The following RCBTB1 variants were observed in gnomAD, a reference collection of about 807,000 sequenced individuals.
RCBTB1 encodes RCC1 and BTB domain containing protein 1.
A neutral mutation model predicts 62.4 loss-of-function variants in RCBTB1; 46 were observed. The observed-to-expected ratio is 0.74, with a 90% confidence interval of 0.58 to 0.94. The LOEUF (loss-of-function observed/expected upper bound fraction) is 0.94, where lower values mean the gene tolerates loss of function less well. Among genes scored for constraint, RCBTB1 ranks in the 40% least tolerant of loss-of-function variants. The pLI, the probability that RCBTB1 is intolerant of heterozygous loss-of-function variation, is 0.00. For missense variants in RCBTB1, 565 were observed against 654.9 expected, an observed-to-expected ratio of 0.86 and a Z score of 1.50; for synonymous variants, 222 against 245.8, an observed-to-expected ratio of 0.90 and a Z score of 0.91.
chr13:49,536,271 G>A (rs1437379692), intron 12 of RCBTB1, among the ~76,000 whole-genome samples: 1 of 152,088 alleles, frequency 6.6e-6, no homozygotes, highest in Non-Finnish European at 1.5e-5. Context: ...TTAAACCTTG[G>A]TTGAGGCAGA....
chr13:49,555,658 A>G lies in RCBTB1; in HGVS notation c.460T>C (p.Tyr154His). 6.3e-7 allele frequency: 1 copy of G among 1,590,632 alleles called. No homozygotes were observed. The highest frequency in any genetic ancestry group is 8.6e-7 in the Non-Finnish European group (1 of 1,168,632). ...GATCCCACTTGGCCACAGTTGTTAT[A>G]ACCCCAAGCAAACACCTACAAGAGA... is the stretch of plus-strand genomic sequence containing the variant. Reference protein sequence around the residue: ...AADGEVFAWGYNNCGQVGSGS... With the variant: ...AADGEVFAWGHNNCGQVGSGS... The change falls in exon 6 of 13, where the codon TAT becomes CAT. Residue 154 changes from tyrosine (Y) to histidine (H), a missense_variant. Physicochemically the swap from Tyr to His is moderately conservative, Grantham distance 83. Coordinates refer to ENST00000378302, the MANE Select transcript of RCBTB1 (RefSeq NM_018191.4).
intron 10 of RCBTB1, among the ~76,000 whole-genome samples, chr13:49,544,404 G>T (rs1960638016): frequency 6.6e-6 from 1 of 152,164 alleles, no homozygotes; most frequent in Admixed American, 6.5e-5. Context: ...GGGAGGCAGA[G>T]GTTGCGGTGA....
chr13:49,581,810 G>A (rs1454264286), intron 1 of RCBTB1, among the ~76,000 whole-genome samples: 2 of 152,238 alleles, frequency 1.3e-5, no homozygotes, highest in South Asian at 2.1e-4. Flanking sequence ...CCAAACGAGG[G>A]AAGGGTGGAG....
chr13:49,554,761 T>A (rs1421917423), intron 6 of RCBTB1, among the ~76,000 whole-genome samples: 1 of 152,160 alleles, frequency 6.6e-6, no homozygotes, highest in Non-Finnish European at 1.5e-5. Context: ...AACAGTTTCA[T>A]CCCAAAACCA....
At chr13:49,574,173 C>T (rs113365697) in intron 2 of RCBTB1, among the ~76,000 whole-genome samples, 141 of 151,936 alleles carry the variant, frequency 9.3e-4, no homozygotes, top group African/African-American at 3.2e-3. Flanking sequence ...GTCTGGAGTA[C>T]ACTGGCACCA....
At chr13:49,549,377 CA>C in intron 9 of RCBTB1, 80 bp downstream of exon 9, 1 of 1,401,606 alleles carries the variant, frequency 7.1e-7, no homozygotes, top group Non-Finnish European at 9.7e-7. Flanking sequence ...TGAGAGATCC[CA>C]AAACCAGCAA....
chr13:49,573,448 CTT>C (rs66529613), intron 2 of RCBTB1, among the ~76,000 whole-genome samples: 40 of 130,080 alleles, frequency 3.1e-4, no homozygotes, highest in Admixed American at 7.3e-4. Context: ...AATTCCTCAT[CTT>C]TTTTTTTTTT....
At chr13:49,566,868 C>T (rs1032027831) in intron 3 of RCBTB1, 100 bp from the exon 4 acceptor site, 2 of 1,167,850 alleles carry the variant, frequency 1.7e-6, no homozygotes, top group African/African-American at 1.5e-5. Context: ...CTACAGAGCT[C>T]AGGAGGTGAA....
At position 49,551,958 on chromosome 13, in the gene RCBTB1, ATT is replaced by A. The variant is rs5803472; in HGVS notation, c.711+218_711+219del. 6.8e-3 allele frequency among the ~76,000 whole-genome samples: 928 copies of A among 137,426 alleles called. 1 individual carries two copies. Among genetic ancestry groups the A allele is most frequent in the African/African-American group, 9.5e-3 (355 of 37,452 alleles). 90.2% of individuals were successfully genotyped at this position (137,426 alleles called of 152,430 possible). On this transcript the variant is annotated intron_variant, in intron 7 of 12. Coordinates refer to ENST00000378302, the MANE Select transcript of RCBTB1 (RefSeq NM_018191.4). ...AAACCTTAGGCTACTGAATTTTTCC[ATT>A]TTTTTTTTTTTTTTTAACTTGTCGA...
intron 2 of RCBTB1, among the ~76,000 whole-genome samples, chr13:49,569,702 G>A (rs1296390866): frequency 1.3e-5 from 2 of 149,236 alleles, no homozygotes; most frequent in Admixed American, 6.7e-5. Context: ...GGGTGGCAGA[G>A]TGAGAGACCC....
intron 12 of RCBTB1, among the ~76,000 whole-genome samples, chr13:49,535,018 A>G (rs1446263564): frequency 6.6e-6 from 1 of 151,992 alleles, no homozygotes; most frequent in Non-Finnish European, 1.5e-5. Context: ...TGGGTGACAG[A>G]GCAGAGGCTC....
chr13:49,565,885 T>TA (rs1188357411), intron 4 of RCBTB1, among the ~76,000 whole-genome samples: 1 of 151,662 alleles, frequency 6.6e-6, no homozygotes, highest in African/African-American at 2.4e-5. Flanking sequence ...TAGAAAGAAG[T>TA]AGACATAGGA....
chr13:49,558,311 G>A (rs374407048), intron 5 of RCBTB1, among the ~76,000 whole-genome samples: 3 of 152,198 alleles, frequency 2.0e-5, no homozygotes, highest in East Asian at 3.8e-4. Context: ...GCCAGAAGAG[G>A]CTGTGGCCAC....
intron 10 of RCBTB1, 133 bp downstream of exon 10, chr13:49,544,604 T>TA: frequency 4.5e-6 from 3 of 668,492 alleles, no homozygotes; most frequent in Non-Finnish European, 7.4e-6. Context: ...AATGGACTGA[T>TA]ACTATCTGCA....
chr13:49,560,107 A>G, intron 4 of RCBTB1, 23 bp from the exon 5 acceptor site: 1 of 1,604,352 alleles, frequency 6.2e-7, no homozygotes, highest in Non-Finnish European at 8.5e-7. Context: ...AGCACACAAA[A>G]AATCAGCTCC....
At chr13:49,583,055 T>G (rs966477744) in intron 1 of RCBTB1, among the ~76,000 whole-genome samples, 12 of 152,210 alleles carry the variant, frequency 7.9e-5, no homozygotes, top group African/African-American at 2.9e-4. Flanking sequence ...TGCGCACCTG[T>G]GGTCCCAGCT....
chr13:49,581,145 A>C (rs1490496811), intron 1 of RCBTB1, among the ~76,000 whole-genome samples: 1 of 152,208 alleles, frequency 6.6e-6, no homozygotes, highest in Non-Finnish European at 1.5e-5. Context: ...GAAGTGGCAT[A>C]AACAGATGTA....
Position 49,544,778 on chromosome 13 carries a change from A to G in RCBTB1, c.1131T>C (p.Asp377=), listed in dbSNP as rs1204967555. The part of the protein sequence containing the change: ...PETADLKFRI[D]GKYIHVHKAV... ...CTTTATGGACATGAATATATTTTCC[A>G]TCAATTCGAAACTTCAGATCAGCAG... is the stretch of plus-strand genomic sequence containing the variant. Residue 377 remains aspartate, a synonymous_variant, in exon 10 of 13, where the codon GAT becomes GAC. Transcript: ENST00000378302. 5.6e-6 allele frequency: 9 copies of G among 1,612,410 alleles called. No homozygotes were observed. The highest frequency in any genetic ancestry group is 7.6e-6 in the Non-Finnish European group (9 of 1,179,080).
Position 49,540,879 on chromosome 13 carries a change from T to C in RCBTB1, c.1452A>G (p.Ala484=), listed in dbSNP as rs1476051622. 4 of 1,613,464 alleles carry C rather than the reference T, an allele frequency of 2.5e-6. No individual in the cohort carries two copies. The highest frequency in any genetic ancestry group is 2.5e-6 in the Non-Finnish European group (3 of 1,179,848). ...TTCTGTTTGTTGTTTAAGTTACCTC[T>C]GCATCATATCTGACTGCAGCAGAGA... ...SLFSAAVRYD[A]EDLEEFCFKF... is the part of the protein sequence containing the mutation. Residue 484 remains alanine, a synonymous_variant, in exon 12 of 13, where the codon GCA becomes GCG. Coordinates refer to ENST00000378302, the MANE Select transcript of RCBTB1 (RefSeq NM_018191.4).
Sources: gnomAD v4.1 joint callset for allele counts (sites outside exome capture counted in the v4.1 genomes callset) on GRCh38, gnomAD v4.1.1 for gene constraint, MANE v1.5 for transcripts, NCBI Gene and HGNC (gene_info 2026-07-23, HGNC 2026-07-21) for gene names.